The following ADGRG5 variants were observed in gnomAD, a reference collection of about 807,000 sequenced individuals.
The protein encoded by ADGRG5 is adhesion G protein-coupled receptor G5.
A neutral mutation model predicts 53.2 loss-of-function variants in ADGRG5; 37 were observed. The ratio of observed to expected loss-of-function variants is 0.70; its 90% CI spans 0.53 to 0.91. The LOEUF is 0.91. Ranked by LOEUF, ADGRG5 falls within the 40% of genes least tolerant of loss-of-function variation. The probability of loss-of-function intolerance (pLI) is 0.00; values close to 1 mark genes in which losing one functional copy is unlikely to be tolerated. For missense variants in ADGRG5, 614 were observed against 675.8 expected (o/e 0.91, Z 1.01); for synonymous variants, 277 against 290.4 (o/e 0.95, Z 0.47).
At chr16:57,556,272 G>A (rs543965841) in intron 1 of ADGRG5, among the ~76,000 whole-genome samples, 43 of 152,176 alleles carry the variant, frequency 2.8e-4, no homozygotes, top group Non-Finnish European at 4.9e-4. Context: ...GACAATTTTT[G>A]CCTTTTAATT....
In ADGRG5 at chr16:57,562,047, CT is replaced by C. The variant is rs764270476; in HGVS notation, c.-38-4del. 25 of 1,484,028 alleles carry C rather than the reference CT, an allele frequency of 1.7e-5. No homozygotes were observed. The highest frequency in any genetic ancestry group is 2.7e-5 in the South Asian group (2 of 74,166). The allele number at this position is 1,484,028 out of a possible 1,614,324, so 91.9% of individuals were successfully genotyped here. A position where few individuals can be genotyped will look rare whatever the true frequency, so the allele number is the denominator to read the frequency against. ...TTATCATCATGGTGATGGCATGCACCTTTTTCAGGGCCGGAGCCAGTTCTTG... is the reference window on the plus strand; with the variant it reads ...TTATCATCATGGTGATGGCATGCACCTTTTCAGGGCCGGAGCCAGTTCTTG... On this transcript the variant is annotated splice_region_variant and splice_polypyrimidine_tract_variant and intron_variant, in intron 1 of 11. Coordinates refer to ENST00000349457, the MANE Select transcript of ADGRG5 (RefSeq NM_001304376.3).
chr16:57,538,994 C>T (rs115613390), upstream of ADGRG5, among the ~76,000 whole-genome samples: 231 of 152,260 alleles, frequency 1.5e-3, no homozygotes, highest in African/African-American at 5.5e-3. Context: ...GAAACGTTCT[C>T]TTTGTTAAGA....
chr16:57,555,321 C>T (rs974241568), intron 1 of ADGRG5, among the ~76,000 whole-genome samples: 7 of 152,058 alleles, frequency 4.6e-5, no homozygotes, highest in Non-Finnish European at 8.8e-5. Flanking sequence ...GGCAGTTTCC[C>T]CCATACTGCT....
rs2279876 is a variant in ADGRG5, at chr16:57,577,111, G to A, written c.*1573G>A. ...CAGTTTTCCTATTTGTAAAATAGAG[G>A]CCATAGTGGTACCTATTTTGAAGAC... On this transcript the variant is annotated 3_prime_UTR_variant, in exon 12 of 12. Coordinates refer to ENST00000349457, the MANE Select transcript of ADGRG5 (RefSeq NM_001304376.3). 0.05 allele frequency: 7,572 copies of A among 152,316 alleles called. 461 individuals carry two copies. Among genetic ancestry groups the A allele is most frequent in the East Asian group, 0.34 (1,737 of 5,176 alleles). The allele number at this position is 152,316 out of a possible 1,614,324, so 9.4% of individuals were successfully genotyped here.
At position 57,543,479 on chromosome 16, in the gene ADGRG5, C is replaced by T. The variant is rs1358632284; in HGVS notation, c.-39+778C>T. ...CGTAATTTTAGTAGAGGCGGGATTT[C>T]GCCACTTTGGTCAGGCTGGTCTCGG... On this transcript the variant is annotated intron_variant, in intron 1 of 11. Transcript: ENST00000349457. Among the ~76,000 whole-genome samples the T allele has an allele frequency of 3.9e-5, 6 of 152,050 alleles. 1 individual carries two copies. Among genetic ancestry groups the T allele is most frequent in the Middle Eastern group, 6.8e-3 (2 of 294 alleles).
intron 1 of ADGRG5, among the ~76,000 whole-genome samples, chr16:57,553,561 C>T (rs1419796179): frequency 6.6e-6 from 1 of 152,232 alleles, no homozygotes; most frequent in African/African-American, 2.4e-5. Context: ...ATGCCAGTAA[C>T]ACACTGTCTT....
intron 1 of ADGRG5, among the ~76,000 whole-genome samples, chr16:57,555,760 A>G (rs1311170623): frequency 6.6e-6 from 1 of 152,186 alleles, no homozygotes; most frequent in African/African-American, 2.4e-5. Context: ...TAATATAGCT[A>G]TTCCCTCTTA....
rs35948606 is a variant in ADGRG5 at position 57,556,908 on chromosome 16, C to CTTTTTTTT, written c.-38-5136_-38-5129dup. ...GAAGAAGTTCTTATTTTGCCTTCTT[C>CTTTTTTTT]TTTTTTTTTTTTTTTTTTTGAGACA... On this transcript the variant is annotated intron_variant, in intron 1 of 11. Coordinates refer to ENST00000349457, the MANE Select transcript of ADGRG5 (RefSeq NM_001304376.3). 8.7e-4 allele frequency among the ~76,000 whole-genome samples: 101 copies of CTTTTTTTT among 115,730 alleles called. 3 individuals carry two copies. Among genetic ancestry groups the CTTTTTTTT allele is most frequent in the Admixed American group, 5.5e-3 (58 of 10,558 alleles). The allele number at this position is 115,730 out of a possible 152,430, so 75.9% of individuals were successfully genotyped here. A position where few individuals can be genotyped will look rare whatever the true frequency, so the allele number is the denominator to read the frequency against.
chr16:57,536,280 C>T, the ADGRG5 span, among the ~76,000 whole-genome samples: 1 of 152,128 alleles, frequency 6.6e-6, no homozygotes, highest in Admixed American at 6.5e-5. Flanking sequence ...CGCGGCCCCT[C>T]CCCACCGGAG....
intron 1 of ADGRG5, among the ~76,000 whole-genome samples, chr16:57,550,536 C>T (rs2032722102): frequency 6.6e-6 from 1 of 152,044 alleles, no homozygotes; most frequent in Non-Finnish European, 1.5e-5. Context: ...GTTGTTGTTG[C>T]CATGGATCAC....
intron 4 of ADGRG5, among the ~76,000 whole-genome samples, chr16:57,563,459 C>A (rs1444475174): frequency 6.6e-6 from 1 of 152,252 alleles, no homozygotes; most frequent in Non-Finnish European, 1.5e-5. Flanking sequence ...TTTATTGCCC[C>A]TGCAGGGCAG....
At chr16:57,565,180 G>A (rs2033102905) in intron 6 of ADGRG5, 30 bp downstream of exon 6, 3 of 1,326,340 alleles carry the variant, frequency 2.3e-6, no homozygotes, top group East Asian at 4.6e-5. Flanking sequence ...CGTTTCCACT[G>A]CACCCCTGCC....
At chr16:57,549,361 G>C (rs1188594203) in intron 1 of ADGRG5, among the ~76,000 whole-genome samples, 2 of 152,170 alleles carry the variant, frequency 1.3e-5, no homozygotes, top group African/African-American at 4.8e-5. Context: ...GGAAAAATGA[G>C]AACTCATGTT....
At position 57,563,926 on chromosome 16, in the gene ADGRG5, C is replaced by T. The variant is rs1274332663; in HGVS notation, c.376C>T (p.Pro126Ser). ...ELTRDACKTRPRELRLICIYF... is the reference protein window; with the variant it reads ...ELTRDACKTRSRELRLICIYF... Reference sequence around the variant, plus strand: ...GACCCGGGACGCCTGCAAGACCCGCCCCAGGGAGCTGCGGCTCATCTGTAT... The same window carrying T: ...GACCCGGGACGCCTGCAAGACCCGCTCCAGGGAGCTGCGGCTCATCTGTAT... The change falls in exon 5 of 12, where the codon CCC becomes TCC. Residue 126 changes from proline to serine, a missense_variant. Coordinates refer to ENST00000349457, the MANE Select transcript of ADGRG5 (RefSeq NM_001304376.3). 3.1e-6 allele frequency: 5 copies of T among 1,614,116 alleles called. No individual in the cohort carries two copies. The Admixed American group carries it at 8.3e-5, about 27-fold the overall frequency.
the ADGRG5 span, among the ~76,000 whole-genome samples, chr16:57,533,072 C>T: frequency 6.6e-6 from 1 of 152,206 alleles, no homozygotes; most frequent in African/African-American, 2.4e-5. Flanking sequence ...AGGGCAGGCA[C>T]CACCCAGGTC....
upstream of ADGRG5, among the ~76,000 whole-genome samples, chr16:57,538,605 A>G (rs556849209): frequency 7.2e-5 from 11 of 152,220 alleles, no homozygotes; most frequent in African/African-American, 2.6e-4. Flanking sequence ...TTCTCTTTCT[A>G]GAACAACACC....
intron 8 of ADGRG5, 128 bp downstream of exon 8, chr16:57,567,719 C>T: frequency 7.1e-7 from 1 of 1,416,374 alleles, no homozygotes; most frequent in Non-Finnish European, 9.6e-7. Flanking sequence ...GGGAGACCAG[C>T]CTTGTGGTGC....
At chr16:57,570,011 C>T (rs1351767100) in intron 9 of ADGRG5, among the ~76,000 whole-genome samples, 1 of 151,134 alleles carries the variant, frequency 6.6e-6, no homozygotes, top group Non-Finnish European at 1.5e-5. Flanking sequence ...ACCACCATCA[C>T]CACCTACTCC....
At chr16:57,566,801 T>C in intron 7 of ADGRG5, 50 bp downstream of exon 7, 1 of 1,372,484 alleles carries the variant, frequency 7.3e-7, no homozygotes, top group Non-Finnish European at 9.5e-7. Flanking sequence ...GCCCTGTGTC[T>C]GTGGCAGAGG....
Sources: allele counts gnomAD v4.1 joint callset (sites outside exome capture counted in the v4.1 genomes callset), GRCh38; gene constraint gnomAD v4.1.1; transcripts MANE v1.5; gene names NCBI Gene and HGNC (gene_info 2026-07-23, HGNC 2026-07-21).